TCF20: variants seen among roughly 807,000 people sequenced by gnomAD.
TCF20 encodes the protein transcription factor 20.
In TCF20, 3 loss-of-function variants were observed where a neutral mutation model predicts 148.6. The observed-to-expected ratio is 0.02, with a 90% CI of 0.01 to 0.05. The LOEUF (loss-of-function observed/expected upper bound fraction) is 0.05, where lower values mean the gene tolerates loss of function less well. TCF20 is among the 10% of genes least tolerant of loss of function. The probability of loss-of-function intolerance (pLI) is 1.00; values close to 1 mark genes in which losing one functional copy is unlikely to be tolerated. For synonymous variants in TCF20, 1,049 were observed against 909.5 expected (o/e 1.15, Z -2.76); for missense variants, 2,350 against 2,429.3 (o/e 0.97, Z 0.69).
Position 42,243,047 on chromosome 22 carries a change from G to C in TCF20, c.-37+27292C>G, listed in dbSNP as rs77809704. ...TGATTACCAAGGATCCAAGGGAAGA[G>C]GGGGAAGGATGAATACGGAGAGAGT... On this transcript the variant is annotated intron_variant, in intron 1 of 5. Transcript: ENST00000677622. Among the ~76,000 whole-genome samples, 479 of 152,056 alleles carry C rather than the reference G, an allele frequency of 3.2e-3. 2 individuals carry two copies. Among genetic ancestry groups the C allele is most frequent in the Non-Finnish European group, 5.6e-3 (381 of 67,976 alleles).
chr22:42,240,493 C>T (rs1924296988), intron 1 of TCF20, among the ~76,000 whole-genome samples: 1 of 152,058 alleles, frequency 6.6e-6, no homozygotes, highest in Non-Finnish European at 1.5e-5. Context: ...TAAATAACTG[C>T]ACAAAAAACT....
intron 1 of TCF20, among the ~76,000 whole-genome samples, chr22:42,327,989 C>A (rs1413696445): frequency 1.3e-5 from 2 of 152,098 alleles, no homozygotes; most frequent in African/African-American, 2.4e-5. Flanking sequence ...TAGCTCTGGG[C>A]CCCCTCCTCC....
intron 1 of TCF20, among the ~76,000 whole-genome samples, chr22:42,222,652 C>G (rs1409902449): frequency 6.6e-6 from 1 of 152,148 alleles, no homozygotes; most frequent in Admixed American, 6.5e-5. Flanking sequence ...TAAATTCCTT[C>G]TTGCCACATG....
chr22:42,229,365 G>A (rs1476652625), intron 1 of TCF20, among the ~76,000 whole-genome samples: 1 of 152,198 alleles, frequency 6.6e-6, no homozygotes, highest in Non-Finnish European at 1.5e-5. Context: ...TGAGATCTAA[G>A]TTTAAGGGAA....
intron 1 of TCF20, among the ~76,000 whole-genome samples, chr22:42,307,375 G>A (rs527621322): frequency 4.1e-4 from 62 of 152,324 alleles, no homozygotes; most frequent in Non-Finnish European, 6.6e-4. Context: ...TGGGAAGGGT[G>A]ACTTTGGAGC....
At chr22:42,334,613 C>T (rs1022426496) in intron 1 of TCF20, among the ~76,000 whole-genome samples, 1 of 152,266 alleles carries the variant, frequency 6.6e-6, no homozygotes, top group Non-Finnish European at 1.5e-5. Flanking sequence ...TCGGCACATG[C>T]CGAGAACAAC....
chr22:42,194,520 A>G (rs973227678), intron 2 of TCF20, among the ~76,000 whole-genome samples: 3 of 150,672 alleles, frequency 2.0e-5, no homozygotes, highest in Non-Finnish European at 4.4e-5. Context: ...GATGTACCCT[A>G]GTGAAGGAAC....
At chr22:42,222,707 T>A (rs1160134673) in intron 1 of TCF20, among the ~76,000 whole-genome samples, 1 of 152,214 alleles carries the variant, frequency 6.6e-6, no homozygotes, top group Non-Finnish European at 1.5e-5. Context: ...TCCTGCTGTA[T>A]CTTAAGAGCT....
intron 2 of TCF20, among the ~76,000 whole-genome samples, chr22:42,204,949 T>C (rs763354019): frequency 6.6e-6 from 1 of 151,792 alleles, no homozygotes; most frequent in Non-Finnish European, 1.5e-5. Context: ...TTGGAAAAAT[T>C]TGGGAGGGGC....
In TCF20 at chr22:42,297,498, C is replaced by A. The variant is rs1471193304; in HGVS notation, c.-37+45981G>T. ...CCATCCCCCACTGCCTCCTGAGCAC[C>A]CTCCAAGGGCACAGCTGGGTGAGCC... On this transcript the variant is annotated intron_variant, in intron 1 of 1. Coordinates refer to the TCF20 transcript ENST00000515426. This position sits in a 1 kb window ranked among gnomAD's most constrained non-coding sequence, Gnocchi z 4.3. Among the ~76,000 whole-genome samples the A allele has an allele frequency of 6.6e-6, 1 of 152,212 alleles. No individual in the cohort carries two copies. Among genetic ancestry groups the A allele is most frequent in the Non-Finnish European group, 1.5e-5 (1 of 68,022 alleles).
intron 2 of TCF20, among the ~76,000 whole-genome samples, chr22:42,197,671 C>T (rs146893686): frequency 1.0e-3 from 158 of 152,154 alleles, no homozygotes; most frequent in African/African-American, 3.7e-3. Context: ...TTAGGGGCAC[C>T]CCTGAAGAAA....
At chr22:42,255,970 TTTGA>T (rs1925719507) in intron 1 of TCF20, among the ~76,000 whole-genome samples, 1 of 152,116 alleles carries the variant, frequency 6.6e-6, no homozygotes, top group African/African-American at 2.4e-5. Flanking sequence ...GGGCCCAGGG[TTTGA>T]TTGATAATAT....
At chr22:42,304,221 C>T (rs1011991693) in intron 1 of TCF20, among the ~76,000 whole-genome samples, 7 of 152,204 alleles carry the variant, frequency 4.6e-5, no homozygotes, top group Non-Finnish European at 1.0e-4. Context: ...GCCAGAAGCA[C>T]CCCCGCCCCG....
Position 42,317,919 on chromosome 22 carries a change from C to T in TCF20, c.-37+25560G>A, listed in dbSNP as rs1161047016. On this transcript the variant is annotated intron_variant, in intron 1 of 1. Coordinates refer to the TCF20 transcript ENST00000515426. This position sits in a 1 kb window ranked among gnomAD's most constrained non-coding sequence, Gnocchi z 4.2. ...CCCTCCTGGCTGCCTGCCGTGCATG[C>T]CTGTCCATCCCCTGGCAGCCCCATT... 6.6e-6 allele frequency among the ~76,000 whole-genome samples: 1 copy of T among 152,238 alleles called. No homozygotes were observed. The highest frequency in any genetic ancestry group is 6.5e-5 in the Admixed American group (1 of 15,294).
chr22:42,187,786 CCAAA>C (rs1258888247), intron 2 of TCF20, among the ~76,000 whole-genome samples: 1 of 152,176 alleles, frequency 6.6e-6, no homozygotes, highest in Non-Finnish European at 1.5e-5. Context: ...ACTTCATCTA[CCAAA>C]CAGAGGATGT....
intron 1 of TCF20, among the ~76,000 whole-genome samples, chr22:42,236,720 C>T (rs1309561193): frequency 6.6e-6 from 1 of 152,186 alleles, no homozygotes; most frequent in Non-Finnish European, 1.5e-5. Context: ...AAATCAGCCA[C>T]AAGCATAACA....
Position 42,210,844 on chromosome 22 carries a change from G to A in TCF20, c.4462C>T (p.Pro1488Ser). 1 of 1,614,182 alleles carries A rather than the reference G, an allele frequency of 6.2e-7. No homozygotes were observed. Among genetic ancestry groups the A allele is most frequent in the Non-Finnish European group, 8.5e-7 (1 of 1,180,042 alleles). ...TTCTTTGAGTCTGGAAAGATTAAAG[G>A]TGCTGTTCCACCCAGGGAACCATCT... Reference protein sequence around the residue: ...RPDGSLGGTAPLIFPDSKNVP... With the variant: ...RPDGSLGGTASLIFPDSKNVP... Residue 1488 changes from proline to serine, a missense_variant, in exon 2 of 6, where the codon CCT becomes TCT. Physicochemically the swap from Pro to Ser is moderately conservative, Grantham distance 74. This residue lies in a region of TCF20 where 231 missense variants were observed against 213.7 expected (regional missense o/e 1.08). Coordinates refer to ENST00000677622, the MANE Select transcript of TCF20 (RefSeq NM_001378418.1). This position sits in a 1 kb window ranked among gnomAD's most constrained non-coding sequence, Gnocchi z 4.7.
At chr22:42,262,996 T>C (rs968313113) in intron 1 of TCF20, among the ~76,000 whole-genome samples, 1 of 152,078 alleles carries the variant, frequency 6.6e-6, no homozygotes, top group African/African-American at 2.4e-5. Context: ...GACTGATGGT[T>C]TAATGGACAG....
At chr22:42,161,970 G>GTTTTTTTTTT (rs1569090301) in intron 5 of TCF20, among the ~76,000 whole-genome samples, 3 of 75,100 alleles carry the variant, frequency 4.0e-5, no homozygotes, top group African/African-American at 1.9e-4. Context: ...GCTAATGACA[G>GTTTTTTTTTT]TCTTTTTTTT....
Sources: gnomAD v4.1 joint callset for allele counts (sites outside exome capture counted in the v4.1 genomes callset) on GRCh38, gnomAD v4.1.1 for gene constraint, gnomAD v4.1.1 regional missense constraint, Gnocchi (gnomAD v3.1) non-coding constraint, MANE v1.5 for transcripts, NCBI Gene and HGNC (gene_info 2026-07-23, HGNC 2026-07-21) for gene names.